SLC2A1: variants seen among roughly 807,000 people sequenced by gnomAD.
SLC2A1 encodes solute carrier family 2, facilitated glucose transporter member 1.
In SLC2A1, 4 loss-of-function variants were observed where a neutral mutation model predicts 46.6. The ratio of observed to expected loss-of-function variants is 0.09; its 90% CI spans 0.04 to 0.20. SLC2A1 has a LOEUF of 0.20. Among genes scored for constraint, SLC2A1 ranks in the 10% least tolerant of loss-of-function variants. SLC2A1 has a pLI of 1.00. For missense variants in SLC2A1, 352 were observed against 667.0 expected (o/e 0.53, Z 5.20); for synonymous variants, 253 against 270.0 (o/e 0.94, Z 0.62).
chr1:42,939,156 G>A (rs938897477), intron 2 of SLC2A1, among the ~76,000 whole-genome samples: 4 of 152,266 alleles, frequency 2.6e-5, no homozygotes, highest in East Asian at 1.9e-4. Flanking sequence ...CAGCCTACGC[G>A]GGCACAGGAG....
chr1:42,952,220 C>G, intron 1 of SLC2A1: 1 of 426,738 alleles, frequency 2.3e-6, no homozygotes, highest in Non-Finnish European at 4.5e-6. Context: ...GGCTCAAAGG[C>G]TACTTTGTGG....
intron 1 of SLC2A1, among the ~76,000 whole-genome samples, chr1:42,947,744 G>A (rs755138405): frequency 2.1e-4 from 32 of 152,144 alleles, no homozygotes; most frequent in African/African-American, 4.6e-4. Context: ...GGGTCATACC[G>A]TGTCTGCAGC....
chr1:42,927,671 A>G lies in SLC2A1; in HGVS notation c.1212T>C (p.Ile404=), dbSNP rs1354501129. The G allele has an allele frequency of 6.2e-7, 1 of 1,614,208 alleles. No individual in the cohort carries two copies. The highest frequency in any genetic ancestry group is 1.1e-5 in the South Asian group (1 of 91,088). Reference sequence around the variant, plus strand: ...TCCAGTTGGAGAAGCCTGCAACGGCAATGGCAGCTGGACGTGGACCCTGGC... The same window carrying G: ...TCCAGTTGGAGAAGCCTGCAACGGCGATGGCAGCTGGACGTGGACCCTGGC... ...LFSQGPRPAA[I]AVAGFSNWTS... is the part of the protein sequence containing the mutation. The change falls in exon 9 of 10, where the codon ATT becomes ATC. Residue 404 remains isoleucine, a synonymous_variant. Coordinates refer to ENST00000426263, the MANE Select transcript of SLC2A1 (RefSeq NM_006516.4). The surrounding 1 kb of genome is among the most constrained non-coding windows in gnomAD (Gnocchi z 5.3).
At chr1:42,928,530 C>T (rs1425536135) in intron 8 of SLC2A1, among the ~76,000 whole-genome samples, 1 of 152,186 alleles carries the variant, frequency 6.6e-6, no homozygotes, top group Non-Finnish European at 1.5e-5. Flanking sequence ...AACTGAACTA[C>T]ACCTCCAGTC....
chr1:42,927,148 G>T lies in SLC2A1; in HGVS notation c.1372C>A (p.Arg458=), dbSNP rs13306758. The change falls in exon 10 of 10, where the codon CGG becomes AGG. Residue 458 remains arginine (R), a synonymous_variant. Coordinates refer to ENST00000426263, the MANE Select transcript of SLC2A1 (RefSeq NM_006516.4). This position sits in a 1 kb window ranked among gnomAD's most constrained non-coding sequence, Gnocchi z 5.3. ...TYFKVPETKG[R]TFDEIASGFR... ...CCGGAAGCGATCTCATCGAAGGTCC[G>T]GCCTTTAGTCTCAGGAACTTTGAAG... The T allele has an allele frequency of 1.4e-3, 2,181 of 1,614,122 alleles. 43 individuals are homozygous for T. In the East Asian group the frequency reaches 0.041, roughly 30 times the overall value.
chr1:42,929,222 G>A lies in SLC2A1; in HGVS notation c.960C>T (p.Phe320=). The A allele has an allele frequency of 6.2e-7, 1 of 1,613,686 alleles. No individual in the cohort carries two copies. The change falls in exon 7 of 10, where the codon TTC becomes TTT. Residue 320 remains phenylalanine (F), a synonymous_variant. Coordinates refer to ENST00000426263, the MANE Select transcript of SLC2A1 (RefSeq NM_006516.4). The surrounding 1 kb of genome is among the most constrained non-coding windows in gnomAD (Gnocchi z 6.0). Reference sequence around the variant, plus strand: ...AGCAAAGACTCACCGACACGACAGTGAAGGCCGTGTTGACGATACCGGAGC... The same window carrying A: ...AGCAAAGACTCACCGACACGACAGTAAAGGCCGTGTTGACGATACCGGAGC... ...TIGSGIVNTA[F]TVVSLFVVER...
At position 42,947,599 on chromosome 1, in the gene SLC2A1, A is replaced by C. The variant is rs887812670; in HGVS notation, c.19-4278T>G. 7.3e-5 allele frequency among the ~76,000 whole-genome samples: 11 copies of C among 151,046 alleles called. No homozygotes were observed. In the East Asian group the frequency reaches 1.4e-3, roughly 19 times the overall value. ...ACACACACAAAAAAAAAAAAAAAAA[A>C]AAAAAAACAGCTGGATATGGTGGCA... On this transcript the variant is annotated intron_variant, in intron 1 of 9. Transcript: ENST00000426263.
Position 42,958,617 on chromosome 1 carries a change from G to C in SLC2A1, c.18+17C>G. On this transcript the variant is annotated intron_variant, in intron 1 of 9. Coordinates refer to ENST00000426263, the MANE Select transcript of SLC2A1 (RefSeq NM_006516.4). ...GCCTTTGTTCCTGGCGGGAGGGCCC[G>C]CGGGCGCGCGACTCACCTTGCTGCT... The C allele has an allele frequency of 6.6e-7, 1 of 1,523,946 alleles. No homozygotes were observed. Among genetic ancestry groups the C allele is most frequent in the Non-Finnish European group, 8.8e-7 (1 of 1,141,110 alleles). The allele number at this position is 1,523,946 out of a possible 1,614,324, so 94.4% of individuals were successfully genotyped here.
At chr1:42,943,384 C>T in intron 1 of SLC2A1, 63 bp from the exon 2 acceptor site, 2 of 1,184,550 alleles carry the variant, frequency 1.7e-6, no homozygotes, top group Non-Finnish European at 2.5e-6. Context: ...CAGGGCAGGG[C>T]CTGGACTGGC....
chr1:42,943,771 G>A (rs1385612753), intron 1 of SLC2A1, among the ~76,000 whole-genome samples: 2 of 152,192 alleles, frequency 1.3e-5, no homozygotes, highest in Non-Finnish European at 2.9e-5. Context: ...AGCTGAAGCC[G>A]CTGGCTTCTG....
In SLC2A1 at chr1:42,945,611, G is replaced by A. The variant is rs200265973; in HGVS notation, c.19-2290C>T. 6.3e-4 allele frequency among the ~76,000 whole-genome samples: 95 copies of A among 151,988 alleles called. 1 individual carries two copies. The East Asian group carries it at 0.015, about 25-fold the overall frequency. On this transcript the variant is annotated intron_variant, in intron 1 of 9. Coordinates refer to ENST00000426263, the MANE Select transcript of SLC2A1 (RefSeq NM_006516.4). ...AAAAATACAAAAATTAGCTGGGCAT[G>A]GTGGTGCGTGCCTGTAGTCCCAACT...
chr1:42,943,927 A>G (rs1047087858), intron 1 of SLC2A1, among the ~76,000 whole-genome samples: 1 of 151,842 alleles, frequency 6.6e-6, no homozygotes, highest in African/African-American at 2.4e-5. Context: ...ACCTTGCCCT[A>G]CCCTTCCTGC....
In SLC2A1 at chr1:42,954,058, A is replaced by T. The variant is rs562460105; in HGVS notation, c.18+4576T>A. On this transcript the variant is annotated intron_variant, in intron 1 of 9. Transcript: ENST00000426263. This position sits in a 1 kb window ranked among gnomAD's most constrained non-coding sequence, Gnocchi z 4.2. ...AGGTCAGAGTTTAGTGGGAACATCT[A>T]GTGTTTTGTTTCCATTCACAGTAGA... 5.3e-5 allele frequency among the ~76,000 whole-genome samples: 8 copies of T among 152,252 alleles called. No individual in the cohort carries two copies. In the East Asian group the frequency reaches 1.5e-3, roughly 29 times the overall value.
At chr1:42,950,741 G>C (rs1643711795) in intron 1 of SLC2A1, among the ~76,000 whole-genome samples, 1 of 152,222 alleles carries the variant, frequency 6.6e-6, no homozygotes, top group African/African-American at 2.4e-5. Context: ...GGGAGGCTGA[G>C]GTGGGCGGAT....
At chr1:42,947,585 A>C (rs912968341) in intron 1 of SLC2A1, among the ~76,000 whole-genome samples, 6 of 43,482 alleles carry the variant, frequency 1.4e-4, no homozygotes, top group African/African-American at 3.9e-4. Context: ...CACACACAAA[A>C]AAAAAAAAAA....
rs1414830774 is a variant in SLC2A1, at chr1:42,930,224, C to T, written c.517-189G>A. 4.4e-6 allele frequency: 3 copies of T among 685,814 alleles called. No individual in the cohort carries two copies. Among genetic ancestry groups the T allele is most frequent in the East Asian group, 5.4e-5 (2 of 36,864 alleles). 42.5% of individuals were successfully genotyped at this position (685,814 alleles called of 1,614,324 possible). A position where few individuals can be genotyped will look rare whatever the true frequency, so the allele number is the denominator to read the frequency against. Reference sequence around the variant, plus strand: ...GGTCACATGGGAAAAGTAGGACCTACCCCACAGTGTTGCTGGGAGGACAAA... The same window carrying T: ...GGTCACATGGGAAAAGTAGGACCTATCCCACAGTGTTGCTGGGAGGACAAA... On this transcript the variant is annotated intron_variant, in intron 4 of 9. Coordinates refer to ENST00000426263, the MANE Select transcript of SLC2A1 (RefSeq NM_006516.4). This position sits in a 1 kb window ranked among gnomAD's most constrained non-coding sequence, Gnocchi z 6.2.
chr1:42,928,756 G>A (rs1189068938), intron 8 of SLC2A1, among the ~76,000 whole-genome samples, 176 bp downstream of exon 8: 2 of 152,190 alleles, frequency 1.3e-5, no homozygotes, highest in Non-Finnish European at 2.9e-5. Context: ...AAGTTCAAGA[G>A]AGGATGTGTG....
At chr1:42,956,391 G>A (rs9803693) in intron 1 of SLC2A1, among the ~76,000 whole-genome samples, 9,064 of 120,748 alleles carry the variant, frequency 0.075, 657 homozygotes, top group African/African-American at 0.2. Context: ...GAGAAACCCC[G>A]TCTCTACTAA....
chr1:42,930,650 G>T lies in SLC2A1; in HGVS notation c.492C>A (p.Ile164=). ...GALGTLHQLG[I]VVGILIAQVF... ...CCTGGGCGATGAGGATGCCGACGAC[G>T]ATGCCCAGCTGGTGCAGGGTGCCCA... Residue 164 remains isoleucine (I), a synonymous_variant, in exon 4 of 10, where the codon ATC becomes ATA. Coordinates refer to ENST00000426263, the MANE Select transcript of SLC2A1 (RefSeq NM_006516.4). This position sits in a 1 kb window ranked among gnomAD's most constrained non-coding sequence, Gnocchi z 6.2. 6.2e-7 allele frequency: 1 copy of T among 1,611,738 alleles called. No homozygotes were observed. The highest frequency in any genetic ancestry group is 8.5e-7 in the Non-Finnish European group (1 of 1,178,522).
Sources: gnomAD v4.1 joint callset for allele counts (sites outside exome capture counted in the v4.1 genomes callset) on GRCh38, gnomAD v4.1.1 for gene constraint, Gnocchi (gnomAD v3.1) non-coding constraint, MANE v1.5 for transcripts, NCBI Gene and HGNC (gene_info 2026-07-23, HGNC 2026-07-21) for gene names.